The following FOCAD variants were observed in gnomAD, a reference collection of about 807,000 sequenced individuals.
The protein encoded by FOCAD is focadhesin, also known as KIAA1797.
FOCAD carries 198 observed loss-of-function variants against 225.6 expected under a neutral mutation model. That is an observed-to-expected ratio of 0.88 (90% confidence interval 0.78 to 0.99). FOCAD has a LOEUF of 0.99. Among genes scored for constraint, FOCAD ranks in the 50% least tolerant of loss-of-function variants. FOCAD has a pLI of 0.00. For missense variants in FOCAD, 2,713 were observed against 2,123.6 expected (o/e 1.28, Z -5.46); for synonymous variants, 897 against 755.0 (o/e 1.19, Z -3.08).
At chr9:20,992,364 C>A (rs1353144639) in intron 42 of FOCAD, among the ~76,000 whole-genome samples, 1 of 152,170 alleles carries the variant, frequency 6.6e-6, no homozygotes, top group East Asian at 1.9e-4. Flanking sequence ...CAACTGTTCT[C>A]ATCTACAGAA....
At chr9:20,807,535 A>G (rs1822588453) in intron 11 of FOCAD, among the ~76,000 whole-genome samples, 1 of 152,220 alleles carries the variant, frequency 6.6e-6, no homozygotes, top group Non-Finnish European at 1.5e-5. Flanking sequence ...TCACTATGTA[A>G]TTAGCATAAA....
rs966614353 is a variant in FOCAD at position 20,941,148 on chromosome 9, A to G, written c.3408-3479A>G. ...ATGCGGGAGTGTACTCCCTCAAATG[A>G]TAGAATTCACCCAGAGCAAATTCAC... is the stretch of plus-strand genomic sequence containing the variant. On this transcript the variant is annotated intron_variant, in intron 28 of 43. Coordinates refer to ENST00000338382, the MANE Select transcript of FOCAD (RefSeq NM_001375567.1). 4.6e-5 allele frequency among the ~76,000 whole-genome samples: 7 copies of G among 152,156 alleles called. No individual in the cohort carries two copies. In the East Asian group the frequency reaches 5.8e-4, roughly 13 times the overall value.
intron 1 of FOCAD, among the ~76,000 whole-genome samples, chr9:20,695,786 T>C (rs944960894): frequency 1.3e-5 from 2 of 152,180 alleles, no homozygotes; most frequent in Admixed American, 6.5e-5. Context: ...GGATTGGAAA[T>C]TGGATAGGAC....
chr9:20,893,166 C>T (rs566362201), intron 21 of FOCAD, among the ~76,000 whole-genome samples: 4 of 152,156 alleles, frequency 2.6e-5, no homozygotes, highest in African/African-American at 4.8e-5. Flanking sequence ...GCTGGGACTA[C>T]GGGTATGTGC....
At chr9:20,788,005 A>C (rs1820107349) in intron 10 of FOCAD, among the ~76,000 whole-genome samples, 1 of 152,208 alleles carries the variant, frequency 6.6e-6, no homozygotes, top group African/African-American at 2.4e-5. Context: ...ATAACCTCAG[A>C]AAAAATTTAT....
intron 11 of FOCAD, among the ~76,000 whole-genome samples, chr9:20,801,744 T>G (rs1331219676): frequency 6.6e-6 from 1 of 152,146 alleles, no homozygotes; most frequent in African/African-American, 2.4e-5. Context: ...ATTTCAGATT[T>G]AATTTTCTTG....
At chr9:20,735,595 A>G (rs1827087039) in intron 4 of FOCAD, among the ~76,000 whole-genome samples, 1 of 151,112 alleles carries the variant, frequency 6.6e-6, no homozygotes, top group Non-Finnish European at 1.5e-5. Flanking sequence ...AGCTCACTGT[A>G]ATCTCAAACT....
chr9:20,855,315 AG>A (rs2131643554), intron 15 of FOCAD, among the ~76,000 whole-genome samples: 1 of 151,834 alleles, frequency 6.6e-6, no homozygotes, highest in East Asian at 1.9e-4. Flanking sequence ...AAATATGTCA[AG>A]GAACTAGCAG....
intron 5 of FOCAD, among the ~76,000 whole-genome samples, chr9:20,753,658 G>T (rs913452649): frequency 6.6e-5 from 10 of 152,100 alleles, no homozygotes; most frequent in African/African-American, 2.4e-4. Flanking sequence ...TTGGTATCAG[G>T]ATGATGCTGG....
chr9:20,950,910 T>C, intron 33 of FOCAD, 86 bp from the exon 34 acceptor site: 3 of 1,150,238 alleles, frequency 2.6e-6, no homozygotes, highest in Non-Finnish European at 3.9e-6. Context: ...ACCTCCTAAA[T>C]GACTGGTGAC....
At chr9:20,772,489 T>C (rs1473607768) in intron 8 of FOCAD, among the ~76,000 whole-genome samples, 2 of 152,250 alleles carry the variant, frequency 1.3e-5, no homozygotes, top group Non-Finnish European at 2.9e-5. Context: ...AAGGATCATA[T>C]ATAACCAGCA....
intron 35 of FOCAD, among the ~76,000 whole-genome samples, chr9:20,970,248 A>G (rs1839648713): frequency 1.3e-5 from 2 of 152,008 alleles, no homozygotes; most frequent in Non-Finnish European, 2.9e-5. Flanking sequence ...CTTTTTTATT[A>G]AATTGGAGAA....
chr9:20,798,591 G>A (rs186900163), intron 11 of FOCAD, among the ~76,000 whole-genome samples: 12 of 151,940 alleles, frequency 7.9e-5, no homozygotes, highest in African/African-American at 2.4e-4. Flanking sequence ...TGTATGTGTC[G>A]AGGAATTTAT....
At chr9:20,963,710 A>G (rs1587731898) in intron 35 of FOCAD, among the ~76,000 whole-genome samples, 3 of 152,326 alleles carry the variant, frequency 2.0e-5, no homozygotes, top group Admixed American at 2.0e-4. Flanking sequence ...CCAAAAAGCA[A>G]CTTAATTTTT....
chr9:20,672,448 A>C (rs770198473), intron 2 of FOCAD, among the ~76,000 whole-genome samples: 19 of 152,140 alleles, frequency 1.2e-4, no homozygotes, highest in Middle Eastern at 6.8e-3. Context: ...AAAATAAATT[A>C]TTATTATTAT....
intron 15 of FOCAD, among the ~76,000 whole-genome samples, chr9:20,836,827 T>G (rs1305246392): frequency 6.6e-6 from 1 of 152,014 alleles, no homozygotes; most frequent in African/African-American, 2.4e-5. Context: ...GGTAGGGAAT[T>G]AAAAAATGAA....
At chr9:20,851,908 C>A (rs1252932605) in intron 15 of FOCAD, among the ~76,000 whole-genome samples, 1 of 151,852 alleles carries the variant, frequency 6.6e-6, no homozygotes, top group African/African-American at 2.4e-5. Context: ...TCCATGGCTG[C>A]TTTCTTGCTA....
rs557861790 is a variant in FOCAD, at chr9:20,797,093, T to A, written c.1455+7485T>A. Among the ~76,000 whole-genome samples the A allele has an allele frequency of 1.2e-4, 18 of 152,314 alleles. No individual in the cohort carries two copies. In the South Asian group the frequency reaches 3.5e-3, roughly 30 times the overall value. On this transcript the variant is annotated intron_variant, in intron 11 of 43. Coordinates refer to ENST00000338382, the MANE Select transcript of FOCAD (RefSeq NM_001375567.1). Reference sequence around the variant, plus strand: ...AGGGAATCTTTAACCCATTTCTTGTTTTTTGTGAGGTCTGTCAAAGACCAG... The same window carrying A: ...AGGGAATCTTTAACCCATTTCTTGTATTTTGTGAGGTCTGTCAAAGACCAG...
At chr9:20,705,924 GTTTTTTTTTTTTT>G (rs59407171) in intron 1 of FOCAD, among the ~76,000 whole-genome samples, 48 of 106,914 alleles carry the variant, frequency 4.5e-4, no homozygotes, top group Middle Eastern at 5.9e-3. Flanking sequence ...TCAGTTTTAA[GTTTTTTTTTTTTT>G]TTTTTTTTTT....
Sources: allele counts gnomAD v4.1 joint callset (sites outside exome capture counted in the v4.1 genomes callset), GRCh38; gene constraint gnomAD v4.1.1; transcripts MANE v1.5; gene names NCBI Gene and HGNC (gene_info 2026-07-23, HGNC 2026-07-21).